The following FBXL17 variants were observed in gnomAD, a reference collection of about 807,000 sequenced individuals.
FBXL17 encodes F-box/LRR-repeat protein 17.
FBXL17 carries 22 observed loss-of-function variants against 66.2 expected under a neutral mutation model. The observed-to-expected ratio is 0.33, with a 90% confidence interval of 0.24 to 0.47. The LOEUF is 0.47. Ranked by LOEUF, FBXL17 falls within the 20% of genes least tolerant of loss-of-function variation. The pLI, the probability that FBXL17 is intolerant of heterozygous loss-of-function variation, is 1.00. For synonymous variants in FBXL17, 474 were observed against 400.5 expected (o/e 1.18, Z -2.19); for missense variants, 878 against 948.2 (o/e 0.93, Z 0.97).
At chr5:108,140,454 T>C (rs180735097) in intron 6 of FBXL17, among the ~76,000 whole-genome samples, 36 of 152,350 alleles carry the variant, frequency 2.4e-4, no homozygotes, top group Non-Finnish European at 3.4e-4. Context: ...CTGAAGGACC[T>C]GGCAAGCTCT....
chr5:107,914,423 T>G (rs78100811), intron 7 of FBXL17, among the ~76,000 whole-genome samples: 1,758 of 152,310 alleles, frequency 0.012, 43 homozygotes, highest in African/African-American at 0.039. Flanking sequence ...CTAGTCTGTA[T>G]TCTTTTTTAG....
intron 6 of FBXL17, among the ~76,000 whole-genome samples, chr5:108,115,433 G>A (rs889801778): frequency 2.0e-5 from 3 of 151,562 alleles, no homozygotes; most frequent in Admixed American, 6.6e-5. Flanking sequence ...ATTCTAGAAC[G>A]GACCTTATTT....
chr5:108,209,756 C>G (rs546770763), intron 5 of FBXL17, among the ~76,000 whole-genome samples: 1 of 152,156 alleles, frequency 6.6e-6, no homozygotes, highest in East Asian at 1.9e-4. Context: ...ATCAGGGATA[C>G]TGGCCTAAAA....
intron 4 of FBXL17, among the ~76,000 whole-genome samples, chr5:108,264,701 G>A (rs1288534615): frequency 2.0e-5 from 3 of 152,084 alleles, no homozygotes; most frequent in African/African-American, 7.2e-5. Context: ...AAAGATCAGA[G>A]TGCAAAGATG....
intron 3 of FBXL17, among the ~76,000 whole-genome samples, chr5:108,361,067 C>A (rs1039111320): frequency 6.6e-6 from 1 of 152,034 alleles, no homozygotes; most frequent in Non-Finnish European, 1.5e-5. Flanking sequence ...TTAGTAAAAT[C>A]TTTAGTAAAT....
At chr5:108,287,734 C>A (rs185077730) in intron 4 of FBXL17, among the ~76,000 whole-genome samples, 5 of 152,042 alleles carry the variant, frequency 3.3e-5, no homozygotes, top group African/African-American at 4.8e-5. Flanking sequence ...CAAAGCAGAA[C>A]TATCATTCAA....
Position 107,975,863 on chromosome 5 carries a change from T to G in FBXL17, c.1822+45062A>C, listed in dbSNP as rs199506191. Among the ~76,000 whole-genome samples, 176 of 26,624 alleles carry G rather than the reference T, an allele frequency of 6.6e-3. 7 individuals carry two copies. Among genetic ancestry groups the G allele is most frequent in the African/African-American group, 7.8e-3 (57 of 7,278 alleles). 17.5% of individuals were successfully genotyped at this position (26,624 alleles called of 152,430 possible). A position where few individuals can be genotyped will look rare whatever the true frequency, so the allele number is the denominator to read the frequency against. ...GAGGGTTTTTGTTGTTGTTGTTTTT[T>G]TTTTTTTTTTTTTTGAAACGGGGTC... is the stretch of plus-strand genomic sequence containing the variant. On this transcript the variant is annotated intron_variant, in intron 7 of 8. Transcript: ENST00000542267.
intron 6 of FBXL17, among the ~76,000 whole-genome samples, chr5:108,029,168 A>T (rs1220443129): frequency 6.6e-6 from 1 of 152,118 alleles, no homozygotes; most frequent in African/African-American, 2.4e-5. Context: ...GATTATACAA[A>T]ACTAATTAAT....
intron 6 of FBXL17, among the ~76,000 whole-genome samples, chr5:108,076,608 A>C (rs1748557018): frequency 6.6e-6 from 1 of 152,230 alleles, no homozygotes; most frequent in South Asian, 2.1e-4. Context: ...ACATATTTTA[A>C]AATGGCTGCT....
intron 5 of FBXL17, among the ~76,000 whole-genome samples, chr5:108,211,000 T>G (rs990483058): frequency 3.3e-5 from 5 of 152,206 alleles, no homozygotes; most frequent in African/African-American, 9.6e-5. Context: ...GCTCCTGTAT[T>G]GGGTGCATAT....
chr5:108,186,401 T>C (rs116174005), intron 5 of FBXL17, among the ~76,000 whole-genome samples, 154 bp from the exon 6 acceptor site: 4 of 152,210 alleles, frequency 2.6e-5, no homozygotes, highest in African/African-American at 9.7e-5. Context: ...GTATATGTAA[T>C]ATTTTATACA....
chr5:108,308,729 A>C (rs1758974443), intron 4 of FBXL17, among the ~76,000 whole-genome samples: 1 of 152,180 alleles, frequency 6.6e-6, no homozygotes, highest in African/African-American at 2.4e-5. Flanking sequence ...GTAGTTGATA[A>C]GACAACTATT....
At chr5:108,116,086 A>G (rs1248309674) in intron 6 of FBXL17, among the ~76,000 whole-genome samples, 1 of 152,216 alleles carries the variant, frequency 6.6e-6, no homozygotes, top group Non-Finnish European at 1.5e-5. Context: ...GTGACAGTGA[A>G]CAAAATCCCC....
chr5:108,041,598 A>G (rs1048365072), intron 6 of FBXL17, among the ~76,000 whole-genome samples: 5 of 151,876 alleles, frequency 3.3e-5, no homozygotes, highest in African/African-American at 1.2e-4. Context: ...TTTAATTTTT[A>G]GTGGAGACGA....
At chr5:107,991,116 C>T (rs1753226251) in intron 7 of FBXL17, among the ~76,000 whole-genome samples, 1 of 152,110 alleles carries the variant, frequency 6.6e-6, no homozygotes, top group South Asian at 2.1e-4. Flanking sequence ...AAATGACCTA[C>T]TTAGATTATT....
intron 4 of FBXL17, among the ~76,000 whole-genome samples, chr5:108,288,748 AAG>A (rs1757999202): frequency 6.6e-6 from 1 of 152,064 alleles, no homozygotes; most frequent in Non-Finnish European, 1.5e-5. Context: ...AGGTAAATGA[AAG>A]AGAAAATACA....
At position 108,364,059 on chromosome 5, in the gene FBXL17, T is replaced by C. The variant is rs569266539; in HGVS notation, c.1374+679A>G. ...TTATAAGTTGGTAACATTCTTAATA[T>C]ATAAGTTGTACTGACACACCCAGTA... On this transcript the variant is annotated intron_variant, in intron 3 of 8. Transcript: ENST00000542267. Among the ~76,000 whole-genome samples, 5 of 152,144 alleles carry C rather than the reference T, an allele frequency of 3.3e-5. 2 individuals are homozygous for C. The highest frequency in any genetic ancestry group is 1.2e-4 in the African/African-American group (5 of 41,554).
At chr5:108,031,670 CA>C (rs991430113) in intron 6 of FBXL17, among the ~76,000 whole-genome samples, 1 of 151,608 alleles carries the variant, frequency 6.6e-6, no homozygotes, top group African/African-American at 2.4e-5. Flanking sequence ...ACTGGTCTCT[CA>C]AAAAAAAGTT....
At chr5:107,866,944 T>C (rs1484479457) in intron 8 of FBXL17, among the ~76,000 whole-genome samples, 1 of 152,178 alleles carries the variant, frequency 6.6e-6, no homozygotes, top group Non-Finnish European at 1.5e-5. Flanking sequence ...TTCTTGCTGG[T>C]TTTGTTCACT....
Sources: gnomAD v4.1 joint callset for allele counts (sites outside exome capture counted in the v4.1 genomes callset) on GRCh38, gnomAD v4.1.1 for gene constraint, MANE v1.5 for transcripts, NCBI Gene and HGNC (gene_info 2026-07-23, HGNC 2026-07-21) for gene names.